CHCHD3: variants seen among roughly 807,000 people sequenced by gnomAD.
CHCHD3 encodes coiled-coil-helix-coiled-coil-helix domain containing 3.
In CHCHD3, 20 loss-of-function variants were observed where a neutral mutation model predicts 38.2. That is an observed-to-expected ratio of 0.52 (90% CI 0.37 to 0.76). The LOEUF is 0.76. Among genes scored for constraint, CHCHD3 ranks in the 30% least tolerant of loss-of-function variants. The pLI is 0.00. For missense variants in CHCHD3, 245 were observed against 279.2 expected, an observed-to-expected ratio of 0.88 and a Z score of 0.87; for synonymous variants, 82 against 100.0, an observed-to-expected ratio of 0.82 and a Z score of 1.07.
chr7:132,798,802 G>A (rs1468441034), intron 6 of CHCHD3, among the ~76,000 whole-genome samples: 1 of 152,140 alleles, frequency 6.6e-6, no homozygotes, highest in African/African-American at 2.4e-5. Context: ...TACTCACGAT[G>A]GGATAATTCA....
intron 7 of CHCHD3, among the ~76,000 whole-genome samples, chr7:132,793,756 G>A (rs1204056607): frequency 6.6e-6 from 1 of 152,178 alleles, no homozygotes; most frequent in Non-Finnish European, 1.5e-5. Flanking sequence ...TGTCGGATAT[G>A]GACAACACTG....
intron 3 of CHCHD3, among the ~76,000 whole-genome samples, chr7:132,991,849 T>C (rs1449539745): frequency 6.6e-6 from 1 of 152,184 alleles, no homozygotes; most frequent in Non-Finnish European, 1.5e-5. Flanking sequence ...CAAAGACTGA[T>C]CCTCAGGGGT....
intron 6 of CHCHD3, among the ~76,000 whole-genome samples, chr7:132,814,409 A>G (rs1180707402): frequency 6.6e-6 from 1 of 152,206 alleles, no homozygotes; most frequent in Non-Finnish European, 1.5e-5. Context: ...AATAATAGGG[A>G]GAAATGTGAA....
intron 5 of CHCHD3, among the ~76,000 whole-genome samples, chr7:132,870,925 A>G (rs978658918): frequency 2.6e-5 from 4 of 152,146 alleles, no homozygotes; most frequent in African/African-American, 9.7e-5. Flanking sequence ...CGTTTCAAGG[A>G]GCAGTATACT....
chr7:132,875,639 G>A (rs991563810), intron 5 of CHCHD3, among the ~76,000 whole-genome samples: 1 of 152,192 alleles, frequency 6.6e-6, no homozygotes, highest in Non-Finnish European at 1.5e-5. Flanking sequence ...CTCCGTGCCA[G>A]ATACCAATGG....
intron 1 of CHCHD3, among the ~76,000 whole-genome samples, chr7:133,080,354 A>G (rs562651606): frequency 6.6e-6 from 1 of 152,324 alleles, no homozygotes; most frequent in Non-Finnish European, 1.5e-5. Flanking sequence ...ATCCAACCTT[A>G]TCTAATACTT....
chr7:133,007,157 G>T (rs1470804332), intron 3 of CHCHD3, among the ~76,000 whole-genome samples: 1 of 152,098 alleles, frequency 6.6e-6, no homozygotes, highest in African/African-American at 2.4e-5. Context: ...TTTTCACTTT[G>T]ATCTATATTG....
chr7:133,008,425 G>GAAAAAAAAAAAAA, intron 3 of CHCHD3, among the ~76,000 whole-genome samples: 1 of 74,086 alleles, frequency 1.3e-5, no homozygotes, highest in Non-Finnish European at 2.9e-5. Flanking sequence ...ATGCAGAAAA[G>GAAAAAAAAAAAAA]AAAAAAAAAA....
At chr7:133,048,141 T>C (rs905628232) in intron 2 of CHCHD3, among the ~76,000 whole-genome samples, 7 of 136,996 alleles carry the variant, frequency 5.1e-5, no homozygotes, top group African/African-American at 1.6e-4. Context: ...CTAGGTTAAA[T>C]AAAAAAAAAA....
intron 3 of CHCHD3, among the ~76,000 whole-genome samples, chr7:133,023,026 A>G (rs1367066618): frequency 6.6e-6 from 1 of 152,046 alleles, no homozygotes; most frequent in East Asian, 1.9e-4. Flanking sequence ...TAAAAATAAC[A>G]AAATTTCAAA....
chr7:132,982,138 C>A (rs952526085), intron 3 of CHCHD3, among the ~76,000 whole-genome samples: 10 of 152,070 alleles, frequency 6.6e-5, no homozygotes, highest in African/African-American at 2.2e-4. Flanking sequence ...GGACAAAACA[C>A]GTATACAGTT....
chr7:133,049,661 CA>C (rs1814093133), intron 2 of CHCHD3, among the ~76,000 whole-genome samples: 1 of 151,924 alleles, frequency 6.6e-6, no homozygotes, highest in Middle Eastern at 3.2e-3. Context: ...AAAGATGTTT[CA>C]AAAAAATAGA....
intron 2 of CHCHD3, among the ~76,000 whole-genome samples, chr7:133,052,837 G>A (rs1239603345): frequency 6.6e-6 from 1 of 152,212 alleles, no homozygotes; most frequent in Non-Finnish European, 1.5e-5. Context: ...CAACTCTTCA[G>A]GGGTGCCATA....
intron 6 of CHCHD3, among the ~76,000 whole-genome samples, chr7:132,833,172 G>A (rs1311414340): frequency 1.3e-5 from 2 of 152,106 alleles, no homozygotes; most frequent in Admixed American, 1.3e-4. Context: ...GCATTAGGAT[G>A]AGCTGTAACA....
intron 4 of CHCHD3, among the ~76,000 whole-genome samples, chr7:132,912,837 G>A (rs954429959): frequency 9.9e-5 from 15 of 152,214 alleles, no homozygotes; most frequent in Admixed American, 1.3e-4. Flanking sequence ...TTACAGGCAT[G>A]AGCCACTGCG....
At chr7:132,924,113 A>G (rs775052167) in intron 4 of CHCHD3, among the ~76,000 whole-genome samples, 14 of 152,202 alleles carry the variant, frequency 9.2e-5, no homozygotes, top group Non-Finnish European at 1.6e-4. Context: ...GAAATAAGGA[A>G]TAGGAGGCAA....
At chr7:132,906,449 A>G (rs1254265098) in intron 4 of CHCHD3, among the ~76,000 whole-genome samples, 1 of 152,214 alleles carries the variant, frequency 6.6e-6, no homozygotes, top group Non-Finnish European at 1.5e-5. Flanking sequence ...AAAGATGAGC[A>G]TTGAGTACCA....
chr7:132,905,458 G>A (rs1216064600), intron 4 of CHCHD3, among the ~76,000 whole-genome samples: 2 of 152,208 alleles, frequency 1.3e-5, no homozygotes, highest in African/African-American at 2.4e-5. Context: ...GGGGGCTGTC[G>A]GGAGGGAGAG....
chr7:132,981,202 C>T (rs1174225196), intron 3 of CHCHD3, among the ~76,000 whole-genome samples: 1 of 151,774 alleles, frequency 6.6e-6, no homozygotes, highest in African/African-American at 2.4e-5. Flanking sequence ...GCATGTTGTC[C>T]ACATGGTCTT....
Sources: allele counts gnomAD v4.1 joint callset (sites outside exome capture counted in the v4.1 genomes callset), GRCh38; gene constraint gnomAD v4.1.1; transcripts MANE v1.5; gene names NCBI Gene and HGNC (gene_info 2026-07-23, HGNC 2026-07-21).